XRCC2: variants seen among roughly 807,000 people sequenced by gnomAD.
XRCC2 encodes the protein DNA repair protein XRCC2.
XRCC2 carries 24 observed loss-of-function variants against 27.3 expected under a neutral mutation model. The observed-to-expected ratio is 0.88, with a 90% CI of 0.64 to 1.24. XRCC2 has a LOEUF of 1.24. Among genes scored for constraint, XRCC2 ranks in the 50% most tolerant of loss-of-function variants. The pLI, the probability that XRCC2 is intolerant of heterozygous loss-of-function variation, is 0.00. For missense variants in XRCC2, 321 were observed against 325.8 expected (o/e 0.99, Z 0.11); for synonymous variants, 106 against 115.4 (o/e 0.92, Z 0.52).
At chr7:152,666,829 G>A (rs1028538174) in intron 1 of XRCC2, among the ~76,000 whole-genome samples, 61 of 151,268 alleles carry the variant, frequency 4.0e-4, no homozygotes, top group Non-Finnish European at 7.5e-4. Flanking sequence ...TGTTGGTCAG[G>A]CTGGTCTCAA....
chr7:152,675,573 G>C (rs1050815211), intron 1 of XRCC2, among the ~76,000 whole-genome samples: 7 of 152,090 alleles, frequency 4.6e-5, no homozygotes, highest in African/African-American at 1.7e-4. Flanking sequence ...GCAGAGACAC[G>C]TGGGCTACAG....
chr7:152,660,682 T>C lies in XRCC2; in HGVS notation c.121+19A>G, dbSNP rs538612010. On this transcript the variant is annotated intron_variant, in intron 2 of 2. Transcript: ENST00000359321. ...TTATAAAGATTTGCATTTATTTATA[T>C]AAAGGTTGTATTTTTTACCATGCAC... 7 of 1,593,478 alleles carry C rather than the reference T, an allele frequency of 4.4e-6. No individual in the cohort carries two copies. The South Asian group carries it at 8.0e-5, about 18-fold the overall frequency.
chr7:152,656,434 C>A (rs3218494), intron 2 of XRCC2, among the ~76,000 whole-genome samples: 5,326 of 152,160 alleles, frequency 0.035, 287 homozygotes, highest in African/African-American at 0.12. Context: ...ACTCTATAAC[C>A]CCTAAATCTT....
Position 152,664,326 on chromosome 7 carries a change from TAA to T in XRCC2, c.40-3546_40-3545del, listed in dbSNP as rs1331749805. On this transcript the variant is annotated intron_variant, in intron 1 of 2. Transcript: ENST00000359321. The stretch of plus-strand genomic sequence containing the variant: ...ATTGTATGTGTCAACTAGATTAAGT[TAA>T]GAGATGCCCAAATAGCTGGTAAAGC... 1.3e-5 allele frequency among the ~76,000 whole-genome samples: 2 copies of T among 152,168 alleles called. 1 individual carries two copies. The highest frequency in any genetic ancestry group is 1.3e-4 in the Admixed American group (2 of 15,270).
chr7:152,664,462 C>T (rs2098034732), intron 1 of XRCC2, among the ~76,000 whole-genome samples: 1 of 152,136 alleles, frequency 6.6e-6, no homozygotes, highest in African/African-American at 2.4e-5. Flanking sequence ...CCTCCAATCC[C>T]TCTTTTCTTG....
At position 152,647,591 on chromosome 7, in the gene XRCC2, G is replaced by A. The variant is rs55890161; in HGVS notation, c.*1051C>T. On this transcript the variant is annotated 3_prime_UTR_variant, in exon 3 of 3. Transcript: ENST00000359321. The stretch of plus-strand genomic sequence containing the variant: ...TTTTTGTATATGGCATAAGGAAGGC[G>A]TCCATTTTCAATCTTTTCCATATGG... The A allele has an allele frequency of 1.3e-5, 2 of 152,128 alleles. No homozygotes were observed. Among genetic ancestry groups the A allele is most frequent in the Admixed American group, 6.5e-5 (1 of 15,270 alleles). 9.4% of individuals were successfully genotyped at this position (152,128 alleles called of 1,614,324 possible).
intron 1 of XRCC2, among the ~76,000 whole-genome samples, chr7:152,674,183 G>A (rs1016180333): frequency 1.3e-5 from 2 of 152,190 alleles, no homozygotes; most frequent in African/African-American, 4.8e-5. Context: ...TTGCCACACA[G>A]ACAAGGCAGG....
At chr7:152,657,919 A>G (rs1474304516) in intron 2 of XRCC2, among the ~76,000 whole-genome samples, 3 of 151,978 alleles carry the variant, frequency 2.0e-5, no homozygotes, top group African/African-American at 7.2e-5. Context: ...GACATATATA[A>G]AAAACAGACA....
Position 152,663,346 on chromosome 7 carries a change from T to TAAAAAAAAAAAAAAAAAAAAAAA in XRCC2, c.40-2587_40-2565dup, listed in dbSNP as rs530664762. On this transcript the variant is annotated intron_variant, in intron 1 of 2. Transcript: ENST00000359321. ...GCTTTACGTAAGAATGTCTTTGAAG[T>TAAAAAAAAAAAAAAAAAAAAAAA]AAAAAAAAAAAAAAAAAAAAAAAAA... Among the ~76,000 whole-genome samples, 70 of 80,900 alleles carry TAAAAAAAAAAAAAAAAAAAAAAA rather than the reference T, an allele frequency of 8.7e-4. 6 individuals are homozygous for TAAAAAAAAAAAAAAAAAAAAAAA. The highest frequency in any genetic ancestry group is 1.3e-3 in the Non-Finnish European group (52 of 40,464). The allele number at this position is 80,900 out of a possible 152,430, so 53.1% of individuals were successfully genotyped here.
At chr7:152,664,951 A>C (rs1368186399) in intron 1 of XRCC2, among the ~76,000 whole-genome samples, 1 of 152,086 alleles carries the variant, frequency 6.6e-6, no homozygotes, top group Non-Finnish European at 1.5e-5. Context: ...TGACCAGTAT[A>C]TGACCTTTCT....
At chr7:152,662,881 A>AT (rs1229161561) in intron 1 of XRCC2, among the ~76,000 whole-genome samples, 1 of 152,034 alleles carries the variant, frequency 6.6e-6, no homozygotes, top group Non-Finnish European at 1.5e-5. Flanking sequence ...CCTTATTTGC[A>AT]TTTTTTTAAA....
In XRCC2 at chr7:152,676,118, C is replaced by A; in HGVS notation, c.-39G>T. ...CGGCGCAGGAGAGACTCAACTTTCC[C>A]GCCACCAACGCCATTCACCAACTGC... On this transcript the variant is annotated 5_prime_UTR_variant, in exon 1 of 3. Coordinates refer to ENST00000359321, the MANE Select transcript of XRCC2 (RefSeq NM_005431.2). 1.2e-6 allele frequency: 2 copies of A among 1,613,332 alleles called. No individual in the cohort carries two copies. The highest frequency in any genetic ancestry group is 1.7e-6 in the Non-Finnish European group (2 of 1,179,636).
intron 2 of XRCC2, among the ~76,000 whole-genome samples, chr7:152,656,022 A>G (rs1453247596): frequency 6.6e-6 from 1 of 152,146 alleles, no homozygotes; most frequent in Admixed American, 6.6e-5. Context: ...GGATGAGAAC[A>G]CATGGACACA....
At position 152,676,085 on chromosome 7, in the gene XRCC2, C is replaced by A. The variant is rs773861668; in HGVS notation, c.-6G>T. On this transcript the variant is annotated 5_prime_UTR_variant, in exon 1 of 3. Coordinates refer to ENST00000359321, the MANE Select transcript of XRCC2 (RefSeq NM_005431.2). The stretch of plus-strand genomic sequence containing the variant: ...CTATGGAAGGCACTACACATCGCCC[C>A]GAAGGCTCGGCGCAGGAGAGACTCA... 1 of 1,613,812 alleles carries A rather than the reference C, an allele frequency of 6.2e-7. No individual in the cohort carries two copies. Among genetic ancestry groups the A allele is most frequent in the Non-Finnish European group, 8.5e-7 (1 of 1,179,810 alleles).
Position 152,652,389 on chromosome 7 carries a change from T to C in XRCC2, c.122-3026A>G, listed in dbSNP as rs3218520. The stretch of plus-strand genomic sequence containing the variant: ...CTATGTGATAGAGAACAAGGGACCA[T>C]GCAGAAGCGCAGACGGGGAAACCAA... On this transcript the variant is annotated intron_variant, in intron 2 of 2. Coordinates refer to ENST00000359321, the MANE Select transcript of XRCC2 (RefSeq NM_005431.2). 4.6e-3 allele frequency among the ~76,000 whole-genome samples: 694 copies of C among 152,136 alleles called. 32 individuals carry two copies. Among genetic ancestry groups the C allele is most frequent in the Admixed American group, 0.043 (659 of 15,264 alleles).
At chr7:152,660,553 C>A in intron 2 of XRCC2, 148 bp downstream of exon 2, 1 of 594,506 alleles carries the variant, frequency 1.7e-6, no homozygotes, top group South Asian at 3.4e-5. Context: ...AGCTTAAAAG[C>A]TTTCTGTCAC....
intron 1 of XRCC2, among the ~76,000 whole-genome samples, chr7:152,663,453 G>C (rs1432531934): frequency 6.6e-6 from 1 of 150,774 alleles, no homozygotes; most frequent in Non-Finnish European, 1.5e-5. Flanking sequence ...ATACTGTGTA[G>C]TGAATAATTT....
Position 152,647,121 on chromosome 7 carries a change from T to C in XRCC2, c.*1521A>G, listed in dbSNP as rs539162272. 2.0e-5 allele frequency: 3 copies of C among 152,352 alleles called. No individual in the cohort carries two copies. Among genetic ancestry groups the C allele is most frequent in the African/African-American group, 7.2e-5 (3 of 41,582 alleles). 9.4% of individuals were successfully genotyped at this position (152,352 alleles called of 1,614,324 possible). A position where few individuals can be genotyped will look rare whatever the true frequency, so the allele number is the denominator to read the frequency against. Reference sequence around the variant, plus strand: ...ATTTGGACTGGTGTGAGATGGTATCTCGTTGTTGTTTCGATTTGCATTTCT... The same window carrying C: ...ATTTGGACTGGTGTGAGATGGTATCCCGTTGTTGTTTCGATTTGCATTTCT... On this transcript the variant is annotated 3_prime_UTR_variant, in exon 3 of 3. Transcript: ENST00000359321.
rs1271518069 is a variant in XRCC2 at position 152,647,219 on chromosome 7, G to A, written c.*1423C>T. On this transcript the variant is annotated 3_prime_UTR_variant, in exon 3 of 3. Transcript: ENST00000359321. ...AGATGTCTTCTTTTGAAAAGTGTCT[G>A]TTCATGTCCTTTGCCCACTTTTTAA... The A allele has an allele frequency of 6.6e-6, 1 of 152,124 alleles. No individual in the cohort carries two copies. The highest frequency in any genetic ancestry group is 1.5e-5 in the Non-Finnish European group (1 of 68,012). 9.4% of individuals were successfully genotyped at this position (152,124 alleles called of 1,614,324 possible). A position where few individuals can be genotyped will look rare whatever the true frequency, so the allele number is the denominator to read the frequency against.
Sources: gnomAD v4.1 joint callset for allele counts (sites outside exome capture counted in the v4.1 genomes callset) on GRCh38, gnomAD v4.1.1 for gene constraint, MANE v1.5 for transcripts, NCBI Gene and HGNC (gene_info 2026-07-23, HGNC 2026-07-21) for gene names.